EPHA7: variants seen among roughly 807,000 people sequenced by gnomAD.
EPHA7 encodes the protein ephrin type-A receptor 7.
In EPHA7, 25 loss-of-function variants were observed where a neutral mutation model predicts 112.6. That is an observed-to-expected ratio of 0.22 (90% CI 0.16 to 0.31). EPHA7 has a LOEUF of 0.31. Among genes scored for constraint, EPHA7 ranks in the 10% least tolerant of loss-of-function variants. The pLI is 1.00. For missense variants in EPHA7, 962 were observed against 1,212.6 expected (o/e 0.79, Z 3.07); for synonymous variants, 437 against 406.5 (o/e 1.07, Z -0.90).
intron 1 of EPHA7, among the ~76,000 whole-genome samples, chr6:93,417,482 C>T (rs545305946): frequency 2.6e-4 from 40 of 152,206 alleles, no homozygotes; most frequent in Non-Finnish European, 4.7e-4. Context: ...AATTCAGGCT[C>T]TTAGAATCAG....
intron 3 of EPHA7, among the ~76,000 whole-genome samples, chr6:93,399,087 T>G (rs1778316971): frequency 6.6e-6 from 1 of 151,998 alleles, no homozygotes; most frequent in Non-Finnish European, 1.5e-5. Context: ...GAGGTTAAAG[T>G]TTAAAGGTTT....
At chr6:93,361,173 C>T (rs1161260364) in intron 3 of EPHA7, among the ~76,000 whole-genome samples, 2 of 151,816 alleles carry the variant, frequency 1.3e-5, no homozygotes, top group South Asian at 2.1e-4. Context: ...AAGGCAATAC[C>T]GGAAAAATGT....
chr6:93,419,400 G>T lies in EPHA7; in HGVS notation c.-59C>A. 2 of 1,418,790 alleles carry T rather than the reference G, an allele frequency of 1.4e-6. No individual in the cohort carries two copies. The highest frequency in any genetic ancestry group is 2.0e-6 in the Non-Finnish European group (2 of 1,008,612). 87.9% of individuals were successfully genotyped at this position (1,418,790 alleles called of 1,614,324 possible). The stretch of plus-strand genomic sequence containing the variant: ...TATCTTGAGTCGTGGATTTTTAAAT[G>T]CTGTTTGTTCCGAAGTAGCTTTTGT... On this transcript the variant is annotated 5_prime_UTR_variant, in exon 1 of 17. Transcript: ENST00000369303.
chr6:93,351,794 A>G (rs923328513), intron 5 of EPHA7, among the ~76,000 whole-genome samples: 1 of 152,090 alleles, frequency 6.6e-6, no homozygotes, highest in Non-Finnish European at 1.5e-5. Flanking sequence ...TAAGTGTTCA[A>G]TAAATAGTAA....
At chr6:93,253,587 G>C (rs908666147) in intron 14 of EPHA7, among the ~76,000 whole-genome samples, 1 of 151,990 alleles carries the variant, frequency 6.6e-6, no homozygotes. Context: ...AGACTCCTCT[G>C]AAAACTCCTT....
intron 14 of EPHA7, among the ~76,000 whole-genome samples, chr6:93,249,544 G>C (rs1770113734): frequency 6.6e-6 from 1 of 152,048 alleles, no homozygotes; most frequent in Non-Finnish European, 1.5e-5. Context: ...TGGAAAATGA[G>C]CGGCTTTTTG....
intron 7 of EPHA7, among the ~76,000 whole-genome samples, chr6:93,265,850 G>GC (rs1471659228): frequency 2.6e-5 from 4 of 151,638 alleles, no homozygotes; most frequent in African/African-American, 7.3e-5. Context: ...AACATATCTT[G>GC]CCACAATAGG....
chr6:93,375,680 T>C (rs757506375), intron 3 of EPHA7, among the ~76,000 whole-genome samples: 67 of 151,480 alleles, frequency 4.4e-4, no homozygotes, highest in Non-Finnish European at 8.0e-4. Context: ...GATAAAAAAT[T>C]CACTAATCAA....
chr6:93,365,536 C>T (rs1011714524), intron 3 of EPHA7, among the ~76,000 whole-genome samples: 2 of 152,126 alleles, frequency 1.3e-5, no homozygotes, highest in African/African-American at 4.8e-5. Context: ...ATGGACAGAT[C>T]CAGAATCTGT....
chr6:93,361,172 C>T (rs992061222), intron 3 of EPHA7, among the ~76,000 whole-genome samples: 4 of 151,986 alleles, frequency 2.6e-5, no homozygotes, highest in African/African-American at 9.7e-5. Flanking sequence ...AAAGGCAATA[C>T]CGGAAAAATG....
At chr6:93,271,082 C>T (rs1270252979) in intron 6 of EPHA7, among the ~76,000 whole-genome samples, 1 of 151,612 alleles carries the variant, frequency 6.6e-6, no homozygotes, top group Non-Finnish European at 1.5e-5. Context: ...ACTGATAGCT[C>T]TCATGGGAAA....
chr6:93,340,895 T>C (rs766130957), intron 5 of EPHA7, among the ~76,000 whole-genome samples: 14 of 152,080 alleles, frequency 9.2e-5, no homozygotes, highest in Middle Eastern at 3.4e-3. Flanking sequence ...GGAACACTTA[T>C]AAATGCCATC....
chr6:93,329,300 C>T (rs1255048451), intron 5 of EPHA7, among the ~76,000 whole-genome samples: 1 of 151,336 alleles, frequency 6.6e-6, no homozygotes, highest in Non-Finnish European at 1.5e-5. Flanking sequence ...CTTTTAAAAT[C>T]AGAAGTAACT....
chr6:93,358,178 A>G lies in EPHA7; in HGVS notation c.988+78T>C, dbSNP rs956310893. ...ATTAAGAATGTATCACAAATTCAAT[A>G]TCTATTTCATTGATGTCACAACAGT... On this transcript the variant is annotated intron_variant, in intron 4 of 16. Coordinates refer to ENST00000369303, the MANE Select transcript of EPHA7 (RefSeq NM_004440.4). The G allele has an allele frequency of 1.4e-5, 15 of 1,088,326 alleles. No homozygotes were observed. The African/African-American group carries it at 2.3e-4, about 17-fold the overall frequency. 67.4% of individuals were successfully genotyped at this position (1,088,326 alleles called of 1,614,324 possible). A position where few individuals can be genotyped will look rare whatever the true frequency, so the allele number is the denominator to read the frequency against.
chr6:93,404,615 A>G (rs911837142), intron 3 of EPHA7, among the ~76,000 whole-genome samples: 5 of 146,958 alleles, frequency 3.4e-5, no homozygotes, highest in African/African-American at 1.3e-4. Flanking sequence ...ATGTATACAT[A>G]TAATCATATA....
intron 3 of EPHA7, among the ~76,000 whole-genome samples, chr6:93,409,202 T>C (rs1351934380): frequency 6.6e-6 from 1 of 152,062 alleles, no homozygotes; most frequent in Non-Finnish European, 1.5e-5. Flanking sequence ...TATATATGTA[T>C]ATGAGGCACC....
rs143551323 is a variant in EPHA7, at chr6:93,255,888, C to T, written c.2322G>A (p.Val774=). 8.2e-5 allele frequency: 132 copies of T among 1,614,064 alleles called. No homozygotes were observed. The African/African-American group carries it at 1.6e-3, about 20-fold the overall frequency. The change falls in exon 13 of 17, where the codon GTG becomes GTA. Residue 774 remains valine, a synonymous_variant. Coordinates refer to ENST00000369303, the MANE Select transcript of EPHA7 (RefSeq NM_004440.4). ...ILVNSNLVCK[V]SDFGLSRVIE... is the part of the protein sequence containing the mutation. ...TAACTCGGGACAGGCCAAAATCTGA[C>T]ACTTTACAAACGAGATTGCTGTTGA... is the stretch of plus-strand genomic sequence containing the variant.
chr6:93,416,591 T>A (rs1214430674), intron 1 of EPHA7, among the ~76,000 whole-genome samples: 2 of 152,134 alleles, frequency 1.3e-5, no homozygotes, highest in Non-Finnish European at 2.9e-5. Flanking sequence ...CGCTCTCAAG[T>A]GATCCGTGCG....
Position 93,258,277 on chromosome 6 carries a change from G to A in EPHA7, c.1932C>T (p.Phe644=), listed in dbSNP as rs759807489. Residue 644 remains phenylalanine, a synonymous_variant, in exon 11 of 17, where the codon TTC becomes TTT. Transcript: ENST00000369303. ...TCAAACGGCCACTGCAGACTTCACC[G>A]AATTCTCCTGAAGTAACAGAACAAG... ...KIERVIGAGE[F]GEVCSGRLKL... The A allele has an allele frequency of 1.8e-5, 29 of 1,587,542 alleles. No homozygotes were observed. The highest frequency in any genetic ancestry group is 2.3e-5 in the East Asian group (1 of 44,386).
Sources: gnomAD v4.1 joint callset for allele counts (sites outside exome capture counted in the v4.1 genomes callset) on GRCh38, gnomAD v4.1.1 for gene constraint, MANE v1.5 for transcripts, NCBI Gene and HGNC (gene_info 2026-07-23, HGNC 2026-07-21) for gene names.